CENPW: variants seen among roughly 807,000 people sequenced by gnomAD.
CENPW encodes the protein cancer-up-regulated gene 2 protein.
Under a neutral mutation model 11.1 loss-of-function variants are expected in CENPW, and 3 were observed. That is an observed-to-expected ratio of 0.27 (90% CI 0.12 to 0.70). The LOEUF (loss-of-function observed/expected upper bound fraction) is 0.70, where lower values mean the gene tolerates loss of function less well. Ranked by LOEUF, CENPW falls within the 30% of genes least tolerant of loss-of-function variation. The pLI is 0.77. For missense variants in CENPW, 100 were observed against 105.6 expected, an observed-to-expected ratio of 0.95 and a Z score of 0.23; for synonymous variants, 38 against 42.0, an observed-to-expected ratio of 0.91 and a Z score of 0.37.
the CENPW span, among the ~76,000 whole-genome samples, chr6:126,459,438 A>T: frequency 1.3e-5 from 2 of 151,716 alleles, no homozygotes; most frequent in East Asian, 3.9e-4. Context: ...TTAAAAGATG[A>T]TTTACAAAAT....
At chr6:126,438,319 AT>A in the CENPW span, among the ~76,000 whole-genome samples, 1 of 151,884 alleles carries the variant, frequency 6.6e-6, no homozygotes, top group East Asian at 1.9e-4. Flanking sequence ...CAAACCTTAA[AT>A]AAAAATGTAG....
chr6:126,450,602 T>G, the CENPW span, among the ~76,000 whole-genome samples: 1 of 151,020 alleles, frequency 6.6e-6, no homozygotes, highest in Admixed American at 6.6e-5. Context: ...TTTTTCATTT[T>G]ATTGCATTTG....
At chr6:126,362,576 G>A in the CENPW span, among the ~76,000 whole-genome samples, 1 of 152,136 alleles carries the variant, frequency 6.6e-6, no homozygotes, top group South Asian at 2.1e-4. Context: ...TTCTCTCTCA[G>A]TGGGAACAGC....
At chr6:126,353,402 A>C (rs952464439), downstream of CENPW, among the ~76,000 whole-genome samples, 1 of 152,078 alleles carries the variant, frequency 6.6e-6, no homozygotes, top group African/African-American at 2.4e-5. Flanking sequence ...ATAATGTTAA[A>C]ATGTCATTTT....
At chr6:126,418,533 T>G in the CENPW span, among the ~76,000 whole-genome samples, 263 of 152,230 alleles carry the variant, frequency 1.7e-3, 1 homozygote, top group Non-Finnish European at 2.7e-3. Flanking sequence ...TTTGGGGAAG[T>G]GAAATTATTC....
the CENPW span, among the ~76,000 whole-genome samples, chr6:126,453,699 C>G: frequency 6.6e-6 from 1 of 151,060 alleles, no homozygotes; most frequent in Non-Finnish European, 1.5e-5. Context: ...CAAATCTGCA[C>G]ATATTAATAT....
At chr6:126,391,883 A>G in the CENPW span, among the ~76,000 whole-genome samples, 2 of 151,992 alleles carry the variant, frequency 1.3e-5, no homozygotes, top group African/African-American at 4.8e-5. Flanking sequence ...GCTGTGTAGC[A>G]TCATTTGAAA....
the CENPW span, among the ~76,000 whole-genome samples, chr6:126,457,691 A>G: frequency 1.3e-5 from 2 of 151,306 alleles, no homozygotes; most frequent in Non-Finnish European, 3.0e-5. Flanking sequence ...GCTCATGTCT[A>G]TGAAATTAAC....
the CENPW span, among the ~76,000 whole-genome samples, chr6:126,464,427 A>G: frequency 1.3e-5 from 2 of 152,218 alleles, no homozygotes; most frequent in Non-Finnish European, 2.9e-5. Context: ...AGAGATTAAC[A>G]TTTGAGTCAG....
the CENPW span, among the ~76,000 whole-genome samples, chr6:126,373,177 C>T: frequency 5.3e-5 from 8 of 152,154 alleles, no homozygotes; most frequent in East Asian, 1.5e-3. Context: ...CTAAAGCTTC[C>T]AGTAACCTAA....
the CENPW span, among the ~76,000 whole-genome samples, chr6:126,415,000 A>G: frequency 6.6e-6 from 1 of 152,106 alleles, no homozygotes; most frequent in African/African-American, 2.4e-5. Context: ...TAGGAAATGA[A>G]AAAAATCCCT....
At chr6:126,405,488 C>G in the CENPW span, among the ~76,000 whole-genome samples, 4 of 151,982 alleles carry the variant, frequency 2.6e-5, no homozygotes, top group African/African-American at 7.2e-5. Flanking sequence ...CTATTTGAGG[C>G]CTTTTATACT....
chr6:126,463,540 G>A, the CENPW span, among the ~76,000 whole-genome samples: 2 of 151,880 alleles, frequency 1.3e-5, no homozygotes, highest in Non-Finnish European at 2.9e-5. Context: ...ATTTCCTGAG[G>A]AGGTAAATAA....
chr6:126,448,788 G>A, the CENPW span, among the ~76,000 whole-genome samples: 3 of 151,026 alleles, frequency 2.0e-5, no homozygotes, highest in South Asian at 4.2e-4. Flanking sequence ...CAGGTTCTAC[G>A]ACAAAAGAAA....
the CENPW span, among the ~76,000 whole-genome samples, chr6:126,456,485 G>GT: frequency 1.3e-5 from 2 of 151,448 alleles, no homozygotes; most frequent in South Asian, 2.1e-4. Flanking sequence ...TGGTGCTAGG[G>GT]TAACTGGCTA....
chr6:126,388,714 T>C, the CENPW span, among the ~76,000 whole-genome samples: 1 of 151,966 alleles, frequency 6.6e-6, no homozygotes, highest in African/African-American at 2.4e-5. Flanking sequence ...TATCAGTTGG[T>C]AAACTGACAT....
chr6:126,467,998 C>T, the CENPW span, among the ~76,000 whole-genome samples: 65,604 of 151,990 alleles, frequency 0.43, 16,477 homozygotes, highest in East Asian at 0.97. Flanking sequence ...AATTATGAAA[C>T]ATTGTACAAA....
the CENPW span, among the ~76,000 whole-genome samples, chr6:126,382,599 C>T: frequency 4.1e-4 from 63 of 152,126 alleles, no homozygotes; most frequent in African/African-American, 1.5e-3. Context: ...AAGAATGTAA[C>T]TGACCTGATG....
the CENPW span, among the ~76,000 whole-genome samples, chr6:126,396,488 T>C: frequency 6.6e-6 from 1 of 152,156 alleles, no homozygotes; most frequent in Non-Finnish European, 1.5e-5. Context: ...AGAAATGTCA[T>C]CCAAGAGCCA....
Sources: allele counts gnomAD v4.1 joint callset (sites outside exome capture counted in the v4.1 genomes callset), GRCh38; gene constraint gnomAD v4.1.1; transcripts MANE v1.5; gene names NCBI Gene and HGNC (gene_info 2026-07-23, HGNC 2026-07-21).